Variants in ESR1 observed in about 807,000 individuals in gnomAD.
The protein encoded by ESR1 is estrogen receptor 1.
Under a neutral mutation model 52.7 loss-of-function variants are expected in ESR1, and 12 were observed. The ratio of observed to expected loss-of-function variants is 0.23; its 90% CI spans 0.15 to 0.37. ESR1 has a LOEUF of 0.37. Ranked by LOEUF, ESR1 falls within the 10% of genes least tolerant of loss-of-function variation. The pLI is 1.00. For missense variants in ESR1, 584 were observed against 779.7 expected (o/e 0.75, Z 2.99); for synonymous variants, 305 against 316.8 (o/e 0.96, Z 0.39).
intron 1 of ESR1, among the ~76,000 whole-genome samples, chr6:151,826,863 T>C (rs956154790): frequency 1.3e-5 from 2 of 152,172 alleles, no homozygotes; most frequent in Non-Finnish European, 2.9e-5. Flanking sequence ...AAAGATTCCA[T>C]TACACAGGTG....
intron 6 of ESR1, among the ~76,000 whole-genome samples, chr6:152,067,551 G>A (rs1198060169): frequency 1.3e-5 from 2 of 152,154 alleles, no homozygotes; most frequent in East Asian, 1.9e-4. Flanking sequence ...TTTGAATAAT[G>A]TATGGACCCA....
At chr6:151,662,916 T>C (rs1777688936) in intron 1 of ESR1, among the ~76,000 whole-genome samples, 1 of 152,240 alleles carries the variant, frequency 6.6e-6, no homozygotes, top group African/African-American at 2.4e-5. Context: ...ATTAAGTCAC[T>C]GTTTATTCTG....
intron 4 of ESR1, among the ~76,000 whole-genome samples, chr6:151,948,149 C>T (rs2035920648): frequency 6.6e-6 from 1 of 152,118 alleles, no homozygotes; most frequent in South Asian, 2.1e-4. Context: ...ATTTCAGCAT[C>T]ACACTCAATT....
chr6:151,810,113 A>G (rs944227232), intron 1 of ESR1, among the ~76,000 whole-genome samples: 1 of 152,172 alleles, frequency 6.6e-6, no homozygotes, highest in Non-Finnish European at 1.5e-5. Flanking sequence ...CTTGCTAATA[A>G]TTACAAAGTG....
At chr6:151,881,893 T>C (rs1294663257) in intron 3 of ESR1, among the ~76,000 whole-genome samples, 3 of 136,712 alleles carry the variant, frequency 2.2e-5, no homozygotes, top group Non-Finnish European at 1.6e-5. Context: ...AATAAATAAA[T>C]AAATAAATAA....
upstream of ESR1, among the ~76,000 whole-genome samples, chr6:151,804,093 C>A (rs540882906): frequency 2.9e-5 from 3 of 102,504 alleles, no homozygotes; most frequent in East Asian, 2.3e-4. Flanking sequence ...GAGCTGGGAG[C>A]CCGAGTGAAG....
intron 1 of ESR1, among the ~76,000 whole-genome samples, chr6:151,699,775 T>C (rs578082726): frequency 4.6e-5 from 7 of 152,348 alleles, no homozygotes; most frequent in African/African-American, 7.2e-5. Context: ...AATGGAATCC[T>C]GAGTTCTGAG....
chr6:152,088,437 C>A (rs998488337), intron 6 of ESR1, among the ~76,000 whole-genome samples: 1 of 152,168 alleles, frequency 6.6e-6, no homozygotes, highest in African/African-American at 2.4e-5. Context: ...ATGTTTGTCC[C>A]TTCCAAAACT....
intron 1 of ESR1, among the ~76,000 whole-genome samples, chr6:151,674,959 T>G (rs1018522131): frequency 5.3e-5 from 8 of 152,224 alleles, no homozygotes; most frequent in Admixed American, 1.3e-4. Flanking sequence ...AGACATGTAT[T>G]TTCAGACCTT....
At chr6:151,876,138 T>C (rs1443336723) in intron 2 of ESR1, among the ~76,000 whole-genome samples, 2 of 151,314 alleles carry the variant, frequency 1.3e-5, no homozygotes, top group East Asian at 3.9e-4. Flanking sequence ...TGGTGGGAGG[T>C]GGGGAGGGAG....
At chr6:152,093,217 AGT>A (rs2050328147) in intron 6 of ESR1, among the ~76,000 whole-genome samples, 2 of 151,370 alleles carry the variant, frequency 1.3e-5, no homozygotes, top group Non-Finnish European at 2.9e-5. Context: ...CAGAGGTTGC[AGT>A]GAGTTGAGAT....
At chr6:151,784,191 C>G (rs1786805745) in intron 2 of ESR1, among the ~76,000 whole-genome samples, 1 of 152,140 alleles carries the variant, frequency 6.6e-6, no homozygotes, top group Non-Finnish European at 1.5e-5. Context: ...GAGTGGGGAG[C>G]TATGCTTCCC....
At chr6:151,962,243 G>A (rs897247007) in intron 4 of ESR1, among the ~76,000 whole-genome samples, 1 of 152,154 alleles carries the variant, frequency 6.6e-6, no homozygotes, top group East Asian at 1.9e-4. Context: ...TCCTGCCAGA[G>A]ACCTGCTTTC....
chr6:152,015,700 A>C (rs185734573), intron 5 of ESR1, among the ~76,000 whole-genome samples: 1 of 152,150 alleles, frequency 6.6e-6, no homozygotes, highest in Non-Finnish European at 1.5e-5. Context: ...CTACTCATCA[A>C]TTCCCCACTT....
chr6:151,741,431 A>C (rs1783091551), intron 2 of ESR1, among the ~76,000 whole-genome samples: 1 of 152,140 alleles, frequency 6.6e-6, no homozygotes, highest in African/African-American at 2.4e-5. Flanking sequence ...TTTTGAGCCC[A>C]AAAAATAATA....
At chr6:151,987,080 A>G (rs2040559628) in intron 4 of ESR1, among the ~76,000 whole-genome samples, 2 of 150,442 alleles carry the variant, frequency 1.3e-5, no homozygotes, top group Admixed American at 1.3e-4. Flanking sequence ...GATCACTTAC[A>G]TTTCCTCACA....
At chr6:151,829,071 G>A (rs937111200) in intron 1 of ESR1, among the ~76,000 whole-genome samples, 6 of 152,140 alleles carry the variant, frequency 3.9e-5, no homozygotes, top group Admixed American at 1.3e-4. Context: ...TTAAGAATTC[G>A]GCCTTGCCAC....
At chr6:151,683,936 T>C (rs1778554972) in intron 1 of ESR1, among the ~76,000 whole-genome samples, 1 of 148,032 alleles carries the variant, frequency 6.8e-6, no homozygotes, top group Non-Finnish European at 1.5e-5. Context: ...GGTTTCGAAC[T>C]CCTGAGCTCA....
chr6:152,089,975 A>C (rs908867207), intron 6 of ESR1, among the ~76,000 whole-genome samples: 5 of 152,208 alleles, frequency 3.3e-5, no homozygotes, highest in African/African-American at 1.2e-4. Flanking sequence ...TGCCTTGCAC[A>C]TTGTAGGACA....
Sources: allele counts gnomAD v4.1 joint callset (sites outside exome capture counted in the v4.1 genomes callset), GRCh38; gene constraint gnomAD v4.1.1; transcripts MANE v1.5; gene names NCBI Gene and HGNC (gene_info 2026-07-23, HGNC 2026-07-21).